The following GRID2 variants were observed in gnomAD, a reference collection of about 807,000 sequenced individuals.
The protein encoded by GRID2 is glutamate ionotropic receptor delta type subunit 2.
Under a neutral mutation model 114.8 loss-of-function variants are expected in GRID2, and 33 were observed. That is an observed-to-expected ratio of 0.29 (90% CI 0.22 to 0.38). The LOEUF is 0.38. Ranked by LOEUF, GRID2 falls within the 10% of genes least tolerant of loss-of-function variation. GRID2 has a pLI of 1.00. For synonymous variants in GRID2, 505 were observed against 449.9 expected (o/e 1.12, Z -1.55); for missense variants, 1,184 against 1,257.7 (o/e 0.94, Z 0.89).
chr4:92,852,568 A>G (rs1743898685), intron 2 of GRID2, among the ~76,000 whole-genome samples: 1 of 151,892 alleles, frequency 6.6e-6, no homozygotes, highest in Non-Finnish European at 1.5e-5. Context: ...CCCACTCTGA[A>G]GCTCTTTGAT....
rs577695110 is a variant in GRID2, at chr4:92,901,496, A to C, written c.245-183499A>C. ...GTGCAGAGGCTTTTTAGTTTAATTC[A>C]GTCATATTTGTCTAGTTTTGTTTTG... On this transcript the variant is annotated intron_variant, in intron 2 of 15. Transcript: ENST00000282020. 4.6e-5 allele frequency among the ~76,000 whole-genome samples: 7 copies of C among 152,240 alleles called. No individual in the cohort carries two copies. The East Asian group carries it at 1.4e-3, about 29-fold the overall frequency.
intron 6 of GRID2, among the ~76,000 whole-genome samples, chr4:93,220,421 A>C (rs1224779863): frequency 2.6e-5 from 4 of 152,164 alleles, no homozygotes; most frequent in Non-Finnish European, 5.9e-5. Flanking sequence ...GAAGATAGTG[A>C]ACACTCTGGC....
chr4:93,438,286 T>C (rs1173054317), intron 10 of GRID2, among the ~76,000 whole-genome samples: 1 of 152,032 alleles, frequency 6.6e-6, no homozygotes, highest in African/African-American at 2.4e-5. Flanking sequence ...CAGGGTGCCA[T>C]GGCAACCCAG....
intron 1 of GRID2, among the ~76,000 whole-genome samples, chr4:93,792,328 T>A (rs1038874270): frequency 6.6e-6 from 1 of 152,112 alleles, no homozygotes; most frequent in Non-Finnish European, 1.5e-5. Flanking sequence ...TTTGGCAACA[T>A]ACACATCTGT....
chr4:93,772,098 A>T lies in GRID2; in HGVS notation c.2624A>T (p.Glu875Val), dbSNP rs1333957911. 2.5e-6 allele frequency: 4 copies of T among 1,609,726 alleles called. No homozygotes were observed. The highest frequency in any genetic ancestry group is 3.4e-6 in the Non-Finnish European group (4 of 1,176,422). Residue 875 changes from glutamate to valine, a missense_variant, in exon 16 of 16, where the codon GAG (glutamate) becomes GTG (valine). Glu to Val is a moderately radical substitution (Grantham distance 121). Around this residue, in one of 3 missense-constraint regions of GRID2, gnomAD observed 717 missense variants for 796.9 expected, o/e 0.90. Coordinates refer to ENST00000282020, the MANE Select transcript of GRID2 (RefSeq NM_001510.4). The stretch of plus-strand genomic sequence containing the variant: ...CAGGATGACAAGGAAATTGACCTGG[A>T]GCACCTCCATAGACGTGTAAATAGC... The part of the protein sequence containing the change: ...SKEDDKEIDL[E>V]HLHRRVNSLC...
chr4:92,713,581 A>G (rs1234329596), intron 2 of GRID2, among the ~76,000 whole-genome samples: 1 of 147,736 alleles, frequency 6.8e-6, no homozygotes, highest in African/African-American at 2.5e-5. Context: ...TGCTGCTGAT[A>G]AAGACATACT....
intron 8 of GRID2, among the ~76,000 whole-genome samples, chr4:93,363,866 ATAT>A (rs1445561727): frequency 6.6e-6 from 1 of 151,804 alleles, no homozygotes; most frequent in Non-Finnish European, 1.5e-5. Context: ...GTCATCCAAA[ATAT>A]TATTTTTAGG....
chr4:92,717,524 A>C (rs1735608712), intron 2 of GRID2, among the ~76,000 whole-genome samples: 1 of 152,178 alleles, frequency 6.6e-6, no homozygotes, highest in Admixed American at 6.6e-5. Context: ...CACCATATGG[A>C]CCTTGATGAT....
intron 14 of GRID2, among the ~76,000 whole-genome samples, chr4:93,718,231 G>A (rs1008320925): frequency 6.6e-6 from 1 of 152,094 alleles, no homozygotes; most frequent in Non-Finnish European, 1.5e-5. Context: ...GCATTTCCAG[G>A]AAAATGGAAT....
chr4:92,342,803 C>T (rs1727567169), intron 1 of GRID2, among the ~76,000 whole-genome samples: 1 of 152,142 alleles, frequency 6.6e-6, no homozygotes. Context: ...AAACTGGCAG[C>T]TGCTTCCCAA....
At chr4:92,669,443 C>G (rs577734648) in intron 2 of GRID2, among the ~76,000 whole-genome samples, 1 of 152,034 alleles carries the variant, frequency 6.6e-6, no homozygotes, top group African/African-American at 2.4e-5. Context: ...TAACTGCAGG[C>G]AGAAGATATC....
Position 93,668,941 on chromosome 4 carries a change from G to A in GRID2, c.2360+42506G>A, listed in dbSNP as rs553082233. On this transcript the variant is annotated intron_variant, in intron 14 of 15. Coordinates refer to ENST00000282020, the MANE Select transcript of GRID2 (RefSeq NM_001510.4). Reference sequence around the variant, plus strand: ...GTTATGAGCTTTGGATAGTTACTTCGTGGCATCAGTTTTGACCATTTGGGG... The same window carrying A: ...GTTATGAGCTTTGGATAGTTACTTCATGGCATCAGTTTTGACCATTTGGGG... Among the ~76,000 whole-genome samples, 17 of 152,114 alleles carry A rather than the reference G, an allele frequency of 1.1e-4. 1 individual carries two copies. Among genetic ancestry groups the A allele is most frequent in the South Asian group, 1.0e-3 (5 of 4,828 alleles).
intron 2 of GRID2, among the ~76,000 whole-genome samples, chr4:92,853,813 GACA>G (rs1560640861): frequency 6.6e-6 from 1 of 151,830 alleles, no homozygotes; most frequent in Non-Finnish European, 1.5e-5. Context: ...ACACAAACAT[GACA>G]ACAACAGACA....
At chr4:92,548,671 G>A (rs1726408169) in intron 1 of GRID2, among the ~76,000 whole-genome samples, 1 of 151,904 alleles carries the variant, frequency 6.6e-6, no homozygotes, top group Middle Eastern at 3.4e-3. Flanking sequence ...TGGGATTACA[G>A]GAGTGGCCAC....
intron 11 of GRID2, among the ~76,000 whole-genome samples, chr4:93,486,752 T>C (rs886309534): frequency 6.6e-5 from 10 of 151,794 alleles, no homozygotes; most frequent in African/African-American, 2.2e-4. Context: ...TATTTACCTT[T>C]TGAATCTACA....
intron 9 of GRID2, among the ~76,000 whole-genome samples, chr4:93,409,297 G>A (rs1055285289): frequency 6.6e-6 from 1 of 152,136 alleles, no homozygotes; most frequent in Non-Finnish European, 1.5e-5. Context: ...AAAAAGGGAA[G>A]GGAAGTGTGG....
chr4:92,740,736 A>G (rs993468800), intron 2 of GRID2, among the ~76,000 whole-genome samples: 1 of 144,540 alleles, frequency 6.9e-6, no homozygotes, highest in African/African-American at 2.8e-5. Flanking sequence ...AGATAGATAG[A>G]TAGATGGATA....
intron 14 of GRID2, among the ~76,000 whole-genome samples, chr4:93,753,407 TTA>T (rs1732490361): frequency 6.6e-6 from 1 of 152,154 alleles, no homozygotes. Flanking sequence ...GGTTTGTTAC[TTA>T]TTTATACATG....
chr4:92,974,807 A>G (rs868621884), intron 2 of GRID2, among the ~76,000 whole-genome samples: 1 of 152,116 alleles, frequency 6.6e-6, no homozygotes, highest in Non-Finnish European at 1.5e-5. Context: ...CACGTTCTGC[A>G]CATGTAACCC....
Sources: gnomAD v4.1 joint callset for allele counts (sites outside exome capture counted in the v4.1 genomes callset) on GRCh38, gnomAD v4.1.1 for gene constraint, gnomAD v4.1.1 regional missense constraint, MANE v1.5 for transcripts, NCBI Gene and HGNC (gene_info 2026-07-23, HGNC 2026-07-21) for gene names.